Variants in MYO3A observed in about 807,000 individuals in gnomAD.
The protein encoded by MYO3A is myosin IIIA.
In MYO3A, 180 loss-of-function variants were observed where a neutral mutation model predicts 192.7. That is an observed-to-expected ratio of 0.93 (90% CI 0.83 to 1.06). MYO3A has a LOEUF of 1.06. MYO3A is among the 50% of genes least tolerant of loss of function. The pLI, the probability that MYO3A is intolerant of heterozygous loss-of-function variation, is 0.00. For missense variants in MYO3A, 1,896 were observed against 1,905.0 expected, an observed-to-expected ratio of 1.00 and a Z score of 0.09; for synonymous variants, 628 against 645.3, an observed-to-expected ratio of 0.97 and a Z score of 0.41.
intron 4 of MYO3A, among the ~76,000 whole-genome samples, chr10:25,992,902 C>T (rs984679303): frequency 2.6e-5 from 4 of 152,274 alleles, no homozygotes; most frequent in East Asian, 1.9e-4. Context: ...CTGCTGGATT[C>T]GGTTTGCCAG....
chr10:26,077,117 C>T (rs1330866268), intron 14 of MYO3A, among the ~76,000 whole-genome samples: 1 of 151,902 alleles, frequency 6.6e-6, no homozygotes, highest in African/African-American at 2.4e-5. Context: ...ACTGATTCTA[C>T]CCATCCAGGA....
Position 26,203,947 on chromosome 10 carries a change from A to G in MYO3A, c.4730+840A>G, listed in dbSNP as rs189621174. ...GTTGACCTCTTTAAGCTTCATTTCC[A>G]TATCTGCAAAAGAATTTACTAATAA... On this transcript the variant is annotated intron_variant, in intron 34 of 34. Transcript: ENST00000642920. 7.2e-5 allele frequency: 11 copies of G among 152,356 alleles called. No individual in the cohort carries two copies. In the East Asian group the frequency reaches 2.1e-3, roughly 29 times the overall value. 9.4% of individuals were successfully genotyped at this position (152,356 alleles called of 1,614,324 possible).
At chr10:26,033,510 C>A (rs556327704) in intron 10 of MYO3A, among the ~76,000 whole-genome samples, 17 of 152,260 alleles carry the variant, frequency 1.1e-4, no homozygotes, top group Admixed American at 9.8e-4. Context: ...CTTACGATCC[C>A]ACTCAACACC....
chr10:26,074,302 C>T (rs918719704), intron 14 of MYO3A, among the ~76,000 whole-genome samples: 8 of 151,856 alleles, frequency 5.3e-5, no homozygotes, highest in Non-Finnish European at 4.4e-5. Context: ...TCACTTTTTT[C>T]CTTATGCATT....
chr10:25,973,589 T>G (rs1838793904), intron 4 of MYO3A, among the ~76,000 whole-genome samples: 1 of 152,180 alleles, frequency 6.6e-6, no homozygotes, highest in Admixed American at 6.5e-5. Flanking sequence ...CAGTTTTTGC[T>G]CATTCAGTAT....
At position 26,212,312 on chromosome 10, in the gene MYO3A, C is replaced by T; in HGVS notation, c.*349C>T. 5.0e-6 allele frequency: 2 copies of T among 399,070 alleles called. No homozygotes were observed. The highest frequency in any genetic ancestry group is 4.2e-5 in the Admixed American group (1 of 23,746). 24.7% of individuals were successfully genotyped at this position (399,070 alleles called of 1,614,324 possible). ...GTGGACTCCACTGCGCCTGGGATCT[C>T]GCCAACCCCTCTCTCATTTGGGGTG... On this transcript the variant is annotated 3_prime_UTR_variant, in exon 35 of 35. Coordinates refer to ENST00000642920, the MANE Select transcript of MYO3A (RefSeq NM_017433.5).
intron 34 of MYO3A, among the ~76,000 whole-genome samples, chr10:26,207,895 T>G (rs1034914569): frequency 1.3e-5 from 2 of 152,230 alleles, no homozygotes; most frequent in African/African-American, 2.4e-5. Context: ...TTAATTATTC[T>G]GATCCATGAA....
intron 34 of MYO3A, among the ~76,000 whole-genome samples, chr10:26,211,632 C>T (rs1844220508): frequency 6.6e-6 from 1 of 152,192 alleles, no homozygotes; most frequent in Non-Finnish European, 1.5e-5. Flanking sequence ...CCACCAGCCC[C>T]TCTGCTCCTC....
At chr10:26,160,051 T>C (rs912101303) in intron 26 of MYO3A, among the ~76,000 whole-genome samples, 1 of 152,148 alleles carries the variant, frequency 6.6e-6, no homozygotes, top group Non-Finnish European at 1.5e-5. Context: ...AATTTGACCT[T>C]ATTATCATGC....
At chr10:26,018,552 T>C (rs1170950138) in intron 7 of MYO3A, among the ~76,000 whole-genome samples, 2 of 152,136 alleles carry the variant, frequency 1.3e-5, no homozygotes, top group East Asian at 3.9e-4. Context: ...AAAAGTGAAA[T>C]TCTTGATTGG....
chr10:26,167,559 T>C (rs920269557), intron 27 of MYO3A, among the ~76,000 whole-genome samples: 2 of 152,202 alleles, frequency 1.3e-5, no homozygotes, highest in African/African-American at 4.8e-5. Flanking sequence ...TAAGTAGCAT[T>C]TTAAAGCTAT....
At chr10:25,949,353 G>A (rs571040160) in intron 2 of MYO3A, among the ~76,000 whole-genome samples, 3 of 152,064 alleles carry the variant, frequency 2.0e-5, no homozygotes, top group African/African-American at 4.8e-5. Flanking sequence ...CTGCTTGAAA[G>A]GCAGTATTCC....
intron 9 of MYO3A, 143 bp from the exon 10 acceptor site, chr10:26,026,234 T>A (rs1842534792): frequency 2.1e-6 from 2 of 963,622 alleles, no homozygotes; most frequent in South Asian, 3.3e-5. Context: ...AGATTAAAAA[T>A]TGCAATTAAT....
chr10:26,012,111 A>G (rs1588772809), intron 6 of MYO3A, among the ~76,000 whole-genome samples: 1 of 152,280 alleles, frequency 6.6e-6, no homozygotes, highest in East Asian at 1.9e-4. Flanking sequence ...AAAATAATAA[A>G]AACCGTCTAT....
At chr10:26,038,686 C>G (rs1843165601) in intron 10 of MYO3A, among the ~76,000 whole-genome samples, 1 of 152,078 alleles carries the variant, frequency 6.6e-6, no homozygotes. Flanking sequence ...ATTTCTTTCT[C>G]TTGTCTGATG....
chr10:25,938,576 C>T (rs1836268866), intron 2 of MYO3A, among the ~76,000 whole-genome samples: 3 of 152,170 alleles, frequency 2.0e-5, no homozygotes, highest in Admixed American at 2.0e-4. Flanking sequence ...TCTTTTGAAT[C>T]TGATGTAATC....
chr10:26,163,645 A>G (rs1005720178), intron 26 of MYO3A, among the ~76,000 whole-genome samples: 2 of 152,196 alleles, frequency 1.3e-5, no homozygotes, highest in African/African-American at 2.4e-5. Context: ...GAGACAGGAA[A>G]TGGAGGAGGA....
At chr10:26,073,418 A>C (rs981996739) in intron 14 of MYO3A, among the ~76,000 whole-genome samples, 2 of 151,936 alleles carry the variant, frequency 1.3e-5, no homozygotes, top group African/African-American at 4.8e-5. Flanking sequence ...AAATACAAAA[A>C]ATTAGCCAGG....
chr10:26,091,144 A>T (rs1836676802), intron 15 of MYO3A, among the ~76,000 whole-genome samples: 1 of 152,200 alleles, frequency 6.6e-6, no homozygotes, highest in Admixed American at 6.5e-5. Flanking sequence ...AGAGCAAGAC[A>T]AAGAAGAGTG....
Sources: allele counts gnomAD v4.1 joint callset (sites outside exome capture counted in the v4.1 genomes callset), GRCh38; gene constraint gnomAD v4.1.1; transcripts MANE v1.5; gene names NCBI Gene and HGNC (gene_info 2026-07-23, HGNC 2026-07-21).